The following PRR5L variants were observed in gnomAD, a reference collection of about 807,000 sequenced individuals.
PRR5L encodes proline rich 5 like, also known as proline-rich protein 5-like.
In PRR5L, 21 loss-of-function variants were observed where a neutral mutation model predicts 36.4. The ratio of observed to expected loss-of-function variants is 0.58; its 90% CI spans 0.41 to 0.83. PRR5L has a LOEUF of 0.83. PRR5L is among the 40% of genes least tolerant of loss of function. PRR5L has a pLI of 0.00. For missense variants in PRR5L, 381 were observed against 473.3 expected (o/e 0.80, Z 1.81); for synonymous variants, 188 against 197.0 (o/e 0.95, Z 0.38).
intron 1 of PRR5L, among the ~76,000 whole-genome samples, chr11:36,350,415 G>A (rs1304731903): frequency 1.3e-5 from 2 of 151,846 alleles, no homozygotes; most frequent in Admixed American, 6.6e-5. Flanking sequence ...GAGGGACAGT[G>A]GCAAGAGGTT....
In PRR5L at chr11:36,376,779, A is replaced by G. The variant is rs907330404; in HGVS notation, c.-125-24218A>G. On this transcript the variant is annotated intron_variant, in intron 1 of 8. Coordinates refer to ENST00000530639, the MANE Select transcript of PRR5L (RefSeq NM_001160167.2). ...CAGCAACCGCGCAGGATTGAGCGAA[A>G]ATTACCGCGCGCTAATCTGACGGGG... 111 of 947,276 alleles carry G rather than the reference A, an allele frequency of 1.2e-4. 1 individual carries two copies. In the South Asian group the frequency reaches 5.2e-3, roughly 44 times the overall value. The allele number at this position is 947,276 out of a possible 1,614,324, so 58.7% of individuals were successfully genotyped here. A position where few individuals can be genotyped will look rare whatever the true frequency, so the allele number is the denominator to read the frequency against.
chr11:36,342,093 G>A, intron 1 of PRR5L, among the ~76,000 whole-genome samples: 1 of 152,204 alleles, frequency 6.6e-6, no homozygotes, highest in Non-Finnish European at 1.5e-5. Context: ...AGATCTTTTT[G>A]GGAGGATACA....
At chr11:36,371,031 C>T (rs907380300) in intron 1 of PRR5L, among the ~76,000 whole-genome samples, 3 of 152,152 alleles carry the variant, frequency 2.0e-5, no homozygotes, top group African/African-American at 7.2e-5. Context: ...ATTTAATTCA[C>T]TACGAGCCAC....
At chr11:36,333,449 C>T (rs762788149) in intron 1 of PRR5L, among the ~76,000 whole-genome samples, 34 of 152,124 alleles carry the variant, frequency 2.2e-4, no homozygotes, top group Admixed American at 1.0e-3. Context: ...TTTATGTACA[C>T]AATAGCCCCA....
chr11:36,360,671 G>A (rs149255888), intron 1 of PRR5L, among the ~76,000 whole-genome samples: 70 of 152,316 alleles, frequency 4.6e-4, no homozygotes, highest in African/African-American at 1.5e-3. Context: ...TGGAATAATA[G>A]GCTGAATAAG....
In PRR5L at chr11:36,298,833, C is replaced by T. The variant is rs190607855; in HGVS notation, c.-126+2395C>T. Among the ~76,000 whole-genome samples, 205 of 152,308 alleles carry T rather than the reference C, an allele frequency of 1.3e-3. 1 individual carries two copies. Among genetic ancestry groups the T allele is most frequent in the South Asian group, 8.5e-3 (41 of 4,822 alleles). On this transcript the variant is annotated intron_variant, in intron 1 of 8. Transcript: ENST00000530639. ...CTGTCCTTGGCTTGTGGATGGCCACCTTCTCACTGAGTTCTCACATGGTCT... is the reference window on the plus strand; with the variant it reads ...CTGTCCTTGGCTTGTGGATGGCCACTTTCTCACTGAGTTCTCACATGGTCT...
chr11:36,308,614 C>T (rs965241889), intron 1 of PRR5L, among the ~76,000 whole-genome samples: 11 of 152,166 alleles, frequency 7.2e-5, no homozygotes, highest in African/African-American at 2.4e-4. Flanking sequence ...GACCTCCCTT[C>T]GTGGGAATCA....
At position 36,332,692 on chromosome 11, in the gene PRR5L, G is replaced by A. The variant is rs529053131; in HGVS notation, c.-126+36254G>A. 5.3e-5 allele frequency among the ~76,000 whole-genome samples: 8 copies of A among 152,246 alleles called. No individual in the cohort carries two copies. The South Asian group carries it at 1.0e-3, about 20-fold the overall frequency. ...GGCTTTGTGACCTTCCCTTGGTGAT[G>A]AGTGAGTTCTCACTCTATTAGTTCA... On this transcript the variant is annotated intron_variant, in intron 1 of 8. Transcript: ENST00000530639.
intron 8 of PRR5L, among the ~76,000 whole-genome samples, chr11:36,456,021 A>C (rs927956438): frequency 1.3e-5 from 2 of 152,096 alleles, no homozygotes; most frequent in South Asian, 2.1e-4. Context: ...AGGGGGAGAG[A>C]GGCTGAGGCA....
At chr11:36,449,861 C>T (rs969862499) in intron 7 of PRR5L, among the ~76,000 whole-genome samples, 5 of 152,212 alleles carry the variant, frequency 3.3e-5, no homozygotes, top group African/African-American at 1.2e-4. Context: ...AGCTCCAAAT[C>T]ACGTGTTCAT....
At chr11:36,350,898 C>A in intron 1 of PRR5L, among the ~76,000 whole-genome samples, 1 of 98,334 alleles carries the variant, frequency 1.0e-5, no homozygotes, top group South Asian at 3.0e-4. Context: ...AGTAGTATTC[C>A]ATGGTAAATA....
chr11:36,370,443 G>T (rs556007856), intron 1 of PRR5L, among the ~76,000 whole-genome samples: 1 of 152,064 alleles, frequency 6.6e-6, no homozygotes, highest in Admixed American at 6.6e-5. Flanking sequence ...TGTAATGTTT[G>T]TCTTCTGCTC....
At chr11:36,349,942 T>C (rs4376880) in intron 1 of PRR5L, 4,307 of 152,034 alleles carry the variant, frequency 0.028, 209 homozygotes, top group African/African-American at 0.099. Context: ...GCAGAAGGAA[T>C]CTGAAACACG....
intron 6 of PRR5L, among the ~76,000 whole-genome samples, chr11:36,442,154 C>G (rs78284685): frequency 0.016 from 2,471 of 152,284 alleles, 41 homozygotes; most frequent in Middle Eastern, 0.027. Flanking sequence ...TTCCACAGCT[C>G]TCTTATATTT....
At chr11:36,313,010 T>C (rs1268250015) in intron 1 of PRR5L, among the ~76,000 whole-genome samples, 1 of 152,262 alleles carries the variant, frequency 6.6e-6, no homozygotes, top group African/African-American at 2.4e-5. Context: ...ATGTATCCTC[T>C]AGGATTCCAG....
rs181575891 is a variant in PRR5L, at chr11:36,303,980, C to T, written c.-126+7542C>T. Among the ~76,000 whole-genome samples, 181 of 152,256 alleles carry T rather than the reference C, an allele frequency of 1.2e-3. 2 individuals carry two copies. The highest frequency in any genetic ancestry group is 0.012 in the Admixed American group (179 of 15,286). Reference sequence around the variant, plus strand: ...TGTGTCTGCCCCACCAGCTAATCAACCCCAATTCAACCCTAAGAGGTGGAG... The same window carrying T: ...TGTGTCTGCCCCACCAGCTAATCAATCCCAATTCAACCCTAAGAGGTGGAG... On this transcript the variant is annotated intron_variant, in intron 1 of 8. Transcript: ENST00000530639.
intron 1 of PRR5L, among the ~76,000 whole-genome samples, chr11:36,400,162 G>A (rs1857760587): frequency 6.6e-6 from 1 of 152,228 alleles, no homozygotes; most frequent in African/African-American, 2.4e-5. Flanking sequence ...CTGGGCAAGA[G>A]GAGTAGTTGG....
At chr11:36,309,823 A>C (rs1236153606) in intron 1 of PRR5L, among the ~76,000 whole-genome samples, 1 of 152,056 alleles carries the variant, frequency 6.6e-6, no homozygotes, top group Non-Finnish European at 1.5e-5. Context: ...ATCCATACTC[A>C]ACAAGTCCAC....
intron 1 of PRR5L, among the ~76,000 whole-genome samples, chr11:36,351,948 G>C (rs1350954542): frequency 1.3e-5 from 2 of 151,250 alleles, no homozygotes; most frequent in East Asian, 3.9e-4. Context: ...CCCACTAGCA[G>C]GATTATTAGA....
Sources: gnomAD v4.1 joint callset for allele counts (sites outside exome capture counted in the v4.1 genomes callset) on GRCh38, gnomAD v4.1.1 for gene constraint, MANE v1.5 for transcripts, NCBI Gene and HGNC (gene_info 2026-07-23, HGNC 2026-07-21) for gene names.